The following TAS1R1 variants were observed in gnomAD, a reference collection of about 807,000 sequenced individuals.
TAS1R1 encodes taste receptor type 1 member 1.
In TAS1R1, 31 loss-of-function variants were observed where a neutral mutation model predicts 45.8. The ratio of observed to expected loss-of-function variants is 0.68; its 90% CI spans 0.51 to 0.91. TAS1R1 has a LOEUF of 0.91. Ranked by LOEUF, TAS1R1 falls within the 40% of genes least tolerant of loss-of-function variation. TAS1R1 has a pLI of 0.00. For missense variants in TAS1R1, 1,051 were observed against 1,063.9 expected (o/e 0.99, Z 0.17); for synonymous variants, 437 against 448.4 (o/e 0.97, Z 0.32).
chr1:6,571,486 C>T (rs1640014850), intron 2 of TAS1R1, among the ~76,000 whole-genome samples: 1 of 152,242 alleles, frequency 6.6e-6, no homozygotes, highest in Non-Finnish European at 1.5e-5. Context: ...TGTACCCCTG[C>T]TGCCCTCCAC....
chr1:6,568,477 G>C (rs992202704), intron 1 of TAS1R1, among the ~76,000 whole-genome samples: 1 of 146,302 alleles, frequency 6.8e-6, no homozygotes, highest in African/African-American at 2.6e-5. Flanking sequence ...AAAAAAAAAA[G>C]AACAATAGTT....
chr1:6,558,167 G>C (rs1421761320), intron 1 of TAS1R1, among the ~76,000 whole-genome samples: 1 of 151,532 alleles, frequency 6.6e-6, no homozygotes, highest in Non-Finnish European at 1.5e-5. Flanking sequence ...CTCCTTACTA[G>C]CTGGAACTAC....
At chr1:6,571,891 C>G (rs1557807119) in intron 2 of TAS1R1, among the ~76,000 whole-genome samples, 1 of 152,164 alleles carries the variant, frequency 6.6e-6, no homozygotes, top group Non-Finnish European at 1.5e-5. Context: ...ATCCCAGTCT[C>G]TCCTGCCTGC....
At chr1:6,558,416 G>T (rs947873783) in intron 1 of TAS1R1, among the ~76,000 whole-genome samples, 2 of 152,046 alleles carry the variant, frequency 1.3e-5, no homozygotes, top group African/African-American at 4.8e-5. Flanking sequence ...TGCCATGAAG[G>T]TATTTTTAAT....
chr1:6,563,805 A>G (rs1639828469), intron 1 of TAS1R1, among the ~76,000 whole-genome samples: 1 of 152,122 alleles, frequency 6.6e-6, no homozygotes, highest in Admixed American at 6.6e-5. Context: ...TCATCTGGGG[A>G]AAAGTCACAC....
intron 2 of TAS1R1, among the ~76,000 whole-genome samples, chr1:6,573,711 G>A (rs1330646206): frequency 6.6e-6 from 1 of 151,740 alleles, no homozygotes; most frequent in Non-Finnish European, 1.5e-5. Context: ...CGCCCAGGCT[G>A]GAGTGCAGTG....
At chr1:6,577,406 G>A (rs938314512) in intron 5 of TAS1R1, among the ~76,000 whole-genome samples, 9 of 151,734 alleles carry the variant, frequency 5.9e-5, no homozygotes, top group Admixed American at 2.0e-4. Flanking sequence ...GTGGTGGCGC[G>A]TGCCTGTAAT....
At chr1:6,557,402 G>T (rs1462258566) in intron 1 of TAS1R1, among the ~76,000 whole-genome samples, 1 of 152,110 alleles carries the variant, frequency 6.6e-6, no homozygotes, top group African/African-American at 2.4e-5. Flanking sequence ...AAATGGAACA[G>T]GCTAGCACAC....
chr1:6,574,234 TACTC>T lies in TAS1R1; in HGVS notation c.499-394_499-391del, dbSNP rs1640096110. Among the ~76,000 whole-genome samples, 1 of 152,172 alleles carries T rather than the reference TACTC, an allele frequency of 6.6e-6. No homozygotes were observed. The highest frequency in any genetic ancestry group is 2.4e-5 in the African/African-American group (1 of 41,432). Reference sequence around the variant, plus strand: ...CTGTAAATACAGATGAAGCTTCGCTTACTCACCAGCTGCTCACCTCCTCCTGTGA... The same window carrying T: ...CTGTAAATACAGATGAAGCTTCGCTTACCAGCTGCTCACCTCCTCCTGTGA... On this transcript the variant is annotated intron_variant, in intron 2 of 5. Transcript: ENST00000333172. This position sits in a 1 kb window ranked among gnomAD's most constrained non-coding sequence, Gnocchi z 4.3.
intron 3 of TAS1R1, 58 bp downstream of exon 3, chr1:6,575,450 C>A: frequency 6.7e-7 from 1 of 1,489,240 alleles, no homozygotes; most frequent in East Asian, 2.3e-5. Flanking sequence ...CTGAGATGAG[C>A]AGAGTGGGCA....
chr1:6,570,341 G>C (rs1233910963), intron 1 of TAS1R1, among the ~76,000 whole-genome samples: 1 of 152,058 alleles, frequency 6.6e-6, no homozygotes, highest in Non-Finnish European at 1.5e-5. Flanking sequence ...CCTTGGCAGA[G>C]GGCCTGCAGG....
rs1051735524 is a variant in TAS1R1, at chr1:6,560,074, A to C, written c.191+4510A>C. Among the ~76,000 whole-genome samples the C allele has an allele frequency of 2.6e-5, 4 of 151,800 alleles. No homozygotes were observed. In the Middle Eastern group the frequency reaches 0.01, roughly 387 times the overall value. ...CACTTTGGGAGGCCAAGGCGGGCAG[A>C]TCACCTGAGTTCAGGAGTTCAAGAC... On this transcript the variant is annotated intron_variant, in intron 1 of 5. Transcript: ENST00000333172.
intron 1 of TAS1R1, among the ~76,000 whole-genome samples, chr1:6,558,894 C>CTTTT: frequency 7.1e-6 from 1 of 139,992 alleles, no homozygotes; most frequent in Admixed American, 7.2e-5. Flanking sequence ...AATTTTTGTA[C>CTTTT]TTTTTTTTTT....
chr1:6,571,901 C>A (rs1640027725), intron 2 of TAS1R1, among the ~76,000 whole-genome samples: 1 of 152,138 alleles, frequency 6.6e-6, no homozygotes, highest in Admixed American at 6.6e-5. Flanking sequence ...CTCCTGCCTG[C>A]CTTTCCTTCT....
intron 1 of TAS1R1, among the ~76,000 whole-genome samples, chr1:6,569,214 A>G (rs4908930): frequency 0.41 from 62,717 of 151,314 alleles, 13,463 homozygotes; most frequent in East Asian, 0.69. Context: ...AAAATTGGCG[A>G]GGTTAAAAGA....
At chr1:6,561,405 C>A (rs771782914) in intron 1 of TAS1R1, among the ~76,000 whole-genome samples, 2 of 152,106 alleles carry the variant, frequency 1.3e-5, no homozygotes, top group African/African-American at 4.8e-5. Context: ...TTTGAAGTGA[C>A]GCTACTGCTA....
intron 1 of TAS1R1, 118 bp downstream of exon 1, chr1:6,555,682 C>A (rs1639664087): frequency 2.1e-6 from 2 of 950,508 alleles, no homozygotes; most frequent in Non-Finnish European, 3.1e-6. Context: ...TGTCCCCAGG[C>A]CTTGTTCATC....
Position 6,571,122 on chromosome 1 carries a change from C to T in TAS1R1, c.405C>T (p.His135=). The change falls in exon 2 of 6, where the codon CAC becomes CAT. Residue 135 remains histidine (H), a synonymous_variant. Coordinates refer to ENST00000333172, the MANE Select transcript of TAS1R1 (RefSeq NM_138697.4). ...HHIELQGDLL[H]YSPTVLAVIG... ...TAGAGCTCCAAGGAGACCTTCTCCA[C>T]TATTCCCCTACGGTGCTGGCAGTGA... 6.2e-7 allele frequency: 1 copy of T among 1,613,782 alleles called. No homozygotes were observed. Among genetic ancestry groups the T allele is most frequent in the Non-Finnish European group, 8.5e-7 (1 of 1,179,798 alleles).
rs754998043 is a variant in TAS1R1 at position 6,578,635 on chromosome 1, C to G, written c.1595-18C>G. The G allele has an allele frequency of 6.5e-7, 1 of 1,537,314 alleles. No homozygotes were observed. Among genetic ancestry groups the G allele is most frequent in the Non-Finnish European group, 8.8e-7 (1 of 1,141,274 alleles). ...TGCTCATCTGGCTCTCAGGAACCTT[C>G]TTGGCCTTCCCTTTCAGACCTCTAC... On this transcript the variant is annotated intron_variant, in intron 5 of 5. Transcript: ENST00000333172.
Sources: gnomAD v4.1 joint callset for allele counts (sites outside exome capture counted in the v4.1 genomes callset) on GRCh38, gnomAD v4.1.1 for gene constraint, Gnocchi (gnomAD v3.1) non-coding constraint, MANE v1.5 for transcripts, NCBI Gene and HGNC (gene_info 2026-07-23, HGNC 2026-07-21) for gene names.